The following BORCS5 variants were observed in gnomAD, a reference collection of about 807,000 sequenced individuals.
BORCS5 encodes the protein BLOC-1 related complex subunit 5, also known as BLOC-1-related complex subunit 5.
Under a neutral mutation model 22.1 loss-of-function variants are expected in BORCS5, and 17 were observed. The ratio of observed to expected loss-of-function variants is 0.77; its 90% CI spans 0.53 to 1.15. The LOEUF (loss-of-function observed/expected upper bound fraction) is 1.15. Ranked by LOEUF, BORCS5 falls within the 50% of genes most tolerant of loss-of-function variation. BORCS5 has a pLI of 0.00. For synonymous variants in BORCS5, 117 were observed against 99.8 expected (o/e 1.17, Z -1.03); for missense variants, 247 against 253.2 (o/e 0.98, Z 0.17).
intron 2 of BORCS5, among the ~76,000 whole-genome samples, chr12:12,406,437 A>G (rs1219974063): frequency 6.6e-6 from 1 of 152,218 alleles, no homozygotes; most frequent in African/African-American, 2.4e-5. Context: ...AGTGTAAACA[A>G]TCCTGTTTCC....
Position 12,407,041 on chromosome 12 carries a change from A to G in BORCS5, c.203-28587A>G, listed in dbSNP as rs73283472. Among the ~76,000 whole-genome samples, 573 of 152,342 alleles carry G rather than the reference A, an allele frequency of 3.8e-3. 6 individuals are homozygous for G. Among genetic ancestry groups the G allele is most frequent in the African/African-American group, 0.013 (534 of 41,578 alleles). Reference sequence around the variant, plus strand: ...ATTCATTCTTCCAGGCAAGTGGGACAAAGTGGGCTTTCTGCCTTCACTCAG... The same window carrying G: ...ATTCATTCTTCCAGGCAAGTGGGACGAAGTGGGCTTTCTGCCTTCACTCAG... On this transcript the variant is annotated intron_variant, in intron 2 of 3. Transcript: ENST00000314565.
chr12:12,384,982 TAGTC>T lies in BORCS5; in HGVS notation c.202+23637_202+23640del, dbSNP rs538234521. ...TTGTCCATATGTCTGCATGGGTTAA[TAGTC>T]AGTTATTGATCAGAGGTTGTACTTA... On this transcript the variant is annotated intron_variant, in intron 2 of 3. Coordinates refer to ENST00000314565, the MANE Select transcript of BORCS5 (RefSeq NM_058169.6). 2.8e-4 allele frequency among the ~76,000 whole-genome samples: 43 copies of T among 151,510 alleles called. No individual in the cohort carries two copies. In the East Asian group the frequency reaches 5.2e-3, roughly 18 times the overall value.
chr12:12,461,148 G>A (rs966511573), intron 3 of BORCS5, among the ~76,000 whole-genome samples: 1 of 150,760 alleles, frequency 6.6e-6, no homozygotes, highest in South Asian at 2.1e-4. Flanking sequence ...GAAGACAAAG[G>A]CTTTATTGCA....
At chr12:12,428,960 G>C (rs377219504) in intron 2 of BORCS5, among the ~76,000 whole-genome samples, 1 of 152,082 alleles carries the variant, frequency 6.6e-6, no homozygotes, top group Non-Finnish European at 1.5e-5. Context: ...TCTATTAATG[G>C]TATTGGAGTT....
In BORCS5 at chr12:12,369,947, A is replaced by G. The variant is rs1289452816; in HGVS notation, c.202+8598A>G. On this transcript the variant is annotated intron_variant, in intron 2 of 3. Coordinates refer to ENST00000314565, the MANE Select transcript of BORCS5 (RefSeq NM_058169.6). Reference sequence around the variant, plus strand: ...ACCATGTTGGTCAGGCTGGTCTCGAACTCCTGACCTCAGTTGATCTGCCTG... The same window carrying G: ...ACCATGTTGGTCAGGCTGGTCTCGAGCTCCTGACCTCAGTTGATCTGCCTG... 2.0e-5 allele frequency among the ~76,000 whole-genome samples: 3 copies of G among 150,998 alleles called. No individual in the cohort carries two copies. In the East Asian group the frequency reaches 5.9e-4, roughly 29 times the overall value.
At chr12:12,422,272 G>C (rs1942149579) in intron 2 of BORCS5, among the ~76,000 whole-genome samples, 2 of 148,228 alleles carry the variant, frequency 1.3e-5, no homozygotes, top group African/African-American at 4.9e-5. Context: ...TACCAGCTTA[G>C]CTTTCTTTTC....
intron 2 of BORCS5, among the ~76,000 whole-genome samples, chr12:12,422,852 C>T (rs139039997): frequency 6.2e-4 from 95 of 152,012 alleles, no homozygotes; most frequent in African/African-American, 2.1e-3. Context: ...GTTACAATAA[C>T]ATTAGCTTTT....
chr12:12,357,138 C>G lies in BORCS5; in HGVS notation c.-314C>G. ...GAACCAGTGAGTGAAAGCGGCGCCGCCCGCCGGCCGCAGGTGCGGCAAAGC... is the reference window on the plus strand; with the variant it reads ...GAACCAGTGAGTGAAAGCGGCGCCGGCCGCCGGCCGCAGGTGCGGCAAAGC... On this transcript the variant is annotated 5_prime_UTR_variant, in exon 1 of 4. Coordinates refer to ENST00000314565, the MANE Select transcript of BORCS5 (RefSeq NM_058169.6). The G allele has an allele frequency of 3.3e-6, 5 of 1,527,900 alleles. No individual in the cohort carries two copies. The highest frequency in any genetic ancestry group is 4.4e-6 in the Non-Finnish European group (5 of 1,141,032). 94.6% of individuals were successfully genotyped at this position (1,527,900 alleles called of 1,614,324 possible). A position where few individuals can be genotyped will look rare whatever the true frequency, so the allele number is the denominator to read the frequency against.
chr12:12,375,666 T>C (rs1461790924), intron 2 of BORCS5, among the ~76,000 whole-genome samples: 1 of 152,052 alleles, frequency 6.6e-6, no homozygotes, highest in Non-Finnish European at 1.5e-5. Flanking sequence ...AACGTTTAAA[T>C]ATTTTTTCCA....
At chr12:12,416,336 T>G (rs1941953620) in intron 2 of BORCS5, among the ~76,000 whole-genome samples, 1 of 152,070 alleles carries the variant, frequency 6.6e-6, no homozygotes, top group South Asian at 2.1e-4. Context: ...ATCTTTGGTC[T>G]AATCTTTCTT....
rs1196961387 is a variant in BORCS5 at position 12,357,393 on chromosome 12, G to A, written c.-59G>A. 5.1e-6 allele frequency: 8 copies of A among 1,579,726 alleles called. No individual in the cohort carries two copies. The African/African-American group carries it at 8.1e-5, about 16-fold the overall frequency. On this transcript the variant is annotated 5_prime_UTR_variant, in exon 1 of 4. Transcript: ENST00000314565. ...GTCCCTGGCCCCTGCCCTGTCGCCC[G>A]CCGCCGGAGCGGTGACCGCCCGGCC...
chr12:12,449,733 C>T (rs1034937270), intron 3 of BORCS5, among the ~76,000 whole-genome samples: 1 of 152,176 alleles, frequency 6.6e-6, no homozygotes, highest in Non-Finnish European at 1.5e-5. Flanking sequence ...ATGTGGAAAT[C>T]GATGCCGTTC....
chr12:12,442,843 C>T (rs954238480), intron 3 of BORCS5, among the ~76,000 whole-genome samples: 2 of 152,140 alleles, frequency 1.3e-5, no homozygotes, highest in South Asian at 4.1e-4. Context: ...ACGAGAGTTG[C>T]CATTCATGGG....
intron 3 of BORCS5, among the ~76,000 whole-genome samples, chr12:12,453,037 G>A (rs1475812932): frequency 6.6e-6 from 1 of 152,202 alleles, no homozygotes; most frequent in Non-Finnish European, 1.5e-5. Context: ...ACCAAATCGG[G>A]ATAGCCGATG....
At chr12:12,453,016 A>G (rs958514877) in intron 3 of BORCS5, among the ~76,000 whole-genome samples, 1 of 152,234 alleles carries the variant, frequency 6.6e-6, no homozygotes, top group East Asian at 1.9e-4. Flanking sequence ...AGCTAATACC[A>G]TGAGTCAAAG....
chr12:12,430,022 G>A lies in BORCS5; in HGVS notation c.203-5606G>A, dbSNP rs372542081. Reference sequence around the variant, plus strand: ...ATTCCAGCAATAGAACTGCATACTCGTACCCTAATCAAGAACCTTTTATGT... The same window carrying A: ...ATTCCAGCAATAGAACTGCATACTCATACCCTAATCAAGAACCTTTTATGT... On this transcript the variant is annotated intron_variant, in intron 2 of 3. Transcript: ENST00000314565. Among the ~76,000 whole-genome samples, 6 of 151,968 alleles carry A rather than the reference G, an allele frequency of 3.9e-5. No individual in the cohort carries two copies. The East Asian group carries it at 5.8e-4, about 15-fold the overall frequency.
chr12:12,381,503 C>A (rs1280388159), intron 2 of BORCS5, among the ~76,000 whole-genome samples: 1 of 151,130 alleles, frequency 6.6e-6, no homozygotes, highest in African/African-American at 2.4e-5. Context: ...AAAAAATGAC[C>A]ATAAATGTAA....
At chr12:12,445,944 CTGTTTTGTTT>C (rs1040500229) in intron 3 of BORCS5, among the ~76,000 whole-genome samples, 8 of 151,908 alleles carry the variant, frequency 5.3e-5, no homozygotes, top group African/African-American at 1.7e-4. Flanking sequence ...TACCTAGCTT[CTGTTTTGTTT>C]TGTTTTGTTT....
At chr12:12,416,554 C>T (rs1592105759) in intron 2 of BORCS5, among the ~76,000 whole-genome samples, 1 of 151,990 alleles carries the variant, frequency 6.6e-6, no homozygotes, top group Non-Finnish European at 1.5e-5. Flanking sequence ...AGTGATTCTT[C>T]TACCTCAGCC....
Sources: allele counts gnomAD v4.1 joint callset (sites outside exome capture counted in the v4.1 genomes callset), GRCh38; gene constraint gnomAD v4.1.1; transcripts MANE v1.5; gene names NCBI Gene and HGNC (gene_info 2026-07-23, HGNC 2026-07-21).